JAM3: variants seen among roughly 807,000 people sequenced by gnomAD.
JAM3 encodes the protein junctional adhesion molecule 3.
In JAM3, 31 loss-of-function variants were observed where a neutral mutation model predicts 39.4. The ratio of observed to expected loss-of-function variants is 0.79; its 90% confidence interval spans 0.59 to 1.06. JAM3 has a LOEUF of 1.06. JAM3 is among the 50% of genes least tolerant of loss of function. JAM3 has a pLI of 0.00. For synonymous variants in JAM3, 182 were observed against 148.7 expected, an observed-to-expected ratio of 1.22 and a Z score of -1.63; for missense variants, 455 against 391.4, an observed-to-expected ratio of 1.16 and a Z score of -1.37.
chr11:134,127,167 G>A lies in JAM3; in HGVS notation c.77-12684G>A, dbSNP rs78200504. Among the ~76,000 whole-genome samples, 257 of 152,284 alleles carry A rather than the reference G, an allele frequency of 1.7e-3. 6 individuals carry two copies. In the East Asian group the frequency reaches 0.027, roughly 16 times the overall value. On this transcript the variant is annotated intron_variant, in intron 1 of 8. Coordinates refer to ENST00000299106, the MANE Select transcript of JAM3 (RefSeq NM_032801.5). ...AAAGAGTGTTAGACATGGAGTTTAA[G>A]AATACAGCTTGAAGTGCTGGCTCCA...
chr11:134,089,703 T>C (rs1941808745), intron 1 of JAM3, among the ~76,000 whole-genome samples: 1 of 152,254 alleles, frequency 6.6e-6, no homozygotes, highest in South Asian at 2.1e-4. Context: ...TAATCCAGTC[T>C]ATCATTGGTG....
chr11:134,133,047 G>C (rs1942797687), intron 1 of JAM3, among the ~76,000 whole-genome samples: 1 of 152,150 alleles, frequency 6.6e-6, no homozygotes, highest in Non-Finnish European at 1.5e-5. Flanking sequence ...TGATTTTCAG[G>C]TTGTTCAGCT....
chr11:134,122,563 G>T, intron 1 of JAM3, among the ~76,000 whole-genome samples: 1 of 152,160 alleles, frequency 6.6e-6, no homozygotes, highest in East Asian at 1.9e-4. Context: ...GCCCAACGTT[G>T]CTTTTCTACC....
At chr11:134,106,128 A>T (rs554099519) in intron 1 of JAM3, among the ~76,000 whole-genome samples, 2 of 152,336 alleles carry the variant, frequency 1.3e-5, no homozygotes, top group South Asian at 2.1e-4. Context: ...CCAAAACAGC[A>T]TGGTACTGGT....
chr11:134,104,076 C>T (rs1412972403), intron 1 of JAM3, among the ~76,000 whole-genome samples: 2 of 152,232 alleles, frequency 1.3e-5, no homozygotes, highest in South Asian at 4.1e-4. Context: ...CATCACATCG[C>T]ACTTATTCCA....
At position 134,142,713 on chromosome 11, in the gene JAM3, A is replaced by G. The variant is rs113094362; in HGVS notation, c.257-1528A>G. On this transcript the variant is annotated intron_variant, in intron 3 of 8. Coordinates refer to ENST00000299106, the MANE Select transcript of JAM3 (RefSeq NM_032801.5). ...TCACAGTTGTGCAACCATCACCACT[A>G]TCAAATTCCAGAACATTTTCATCAT... 4.8e-3 allele frequency among the ~76,000 whole-genome samples: 728 copies of G among 152,198 alleles called. 1 individual carries two copies. Among genetic ancestry groups the G allele is most frequent in the Non-Finnish European group, 5.6e-3 (384 of 68,026 alleles).
intron 1 of JAM3, chr11:134,126,204 T>C (rs1942645923): frequency 6.6e-6 from 1 of 152,212 alleles, no homozygotes; most frequent in South Asian, 2.1e-4. Flanking sequence ...GCCTAGAAAT[T>C]ACTTAACCAG....
At chr11:134,134,155 G>A (rs1416009473) in intron 1 of JAM3, among the ~76,000 whole-genome samples, 1 of 152,002 alleles carries the variant, frequency 6.6e-6, no homozygotes, top group African/African-American at 2.4e-5. Context: ...TGAGCTTGAG[G>A]ATATGCCAAC....
At chr11:134,124,013 C>T in intron 1 of JAM3, 1 of 1,484,438 alleles carries the variant, frequency 6.7e-7, no homozygotes, top group Non-Finnish European at 9.4e-7. Context: ...GTGCCCTTCC[C>T]AATCCCGCAA....
At chr11:134,086,296 C>T (rs1048264480) in intron 1 of JAM3, among the ~76,000 whole-genome samples, 2 of 152,140 alleles carry the variant, frequency 1.3e-5, no homozygotes, top group East Asian at 3.8e-4. Flanking sequence ...CAATAACCTT[C>T]TCTTAAAAAA....
At chr11:134,094,872 G>A (rs953360187) in intron 1 of JAM3, among the ~76,000 whole-genome samples, 1 of 152,228 alleles carries the variant, frequency 6.6e-6, no homozygotes, top group African/African-American at 2.4e-5. Context: ...CCCAAATATA[G>A]TACGTGCTAG....
intron 1 of JAM3, among the ~76,000 whole-genome samples, chr11:134,087,010 G>A (rs1941755726): frequency 6.6e-6 from 1 of 151,966 alleles, no homozygotes; most frequent in African/African-American, 2.4e-5. Context: ...TCACTTTGTT[G>A]CCCAGGCTGG....
intron 1 of JAM3, among the ~76,000 whole-genome samples, chr11:134,089,173 ATTCT>A (rs902358064): frequency 2.0e-5 from 3 of 152,142 alleles, no homozygotes; most frequent in Non-Finnish European, 2.9e-5. Flanking sequence ...TGTGTCTCCC[ATTCT>A]TTCTTTATAT....
intron 1 of JAM3, among the ~76,000 whole-genome samples, chr11:134,123,665 T>G (rs1942581782): frequency 6.6e-6 from 1 of 152,214 alleles, no homozygotes; most frequent in African/African-American, 2.4e-5. Flanking sequence ...AGAGATTTCT[T>G]TTTTGTTTGC....
chr11:134,137,405 T>C (rs1942887200), intron 1 of JAM3, among the ~76,000 whole-genome samples: 1 of 152,238 alleles, frequency 6.6e-6, no homozygotes. Flanking sequence ...TCTATTTCTC[T>C]AGACTATAAG....
At chr11:134,126,124 C>G (rs946502646) in intron 1 of JAM3, among the ~76,000 whole-genome samples, 1 of 152,118 alleles carries the variant, frequency 6.6e-6, no homozygotes, top group Non-Finnish European at 1.5e-5. Flanking sequence ...CCACCCTTGT[C>G]TTCCCAGGAA....
chr11:134,122,167 TC>T (rs1942545898), intron 1 of JAM3, among the ~76,000 whole-genome samples: 1 of 152,186 alleles, frequency 6.6e-6, no homozygotes, highest in Non-Finnish European at 1.5e-5. Context: ...AATAGGCAGT[TC>T]ACATAGCCGG....
At chr11:134,070,671 ACT>A (rs753835475) in intron 1 of JAM3, among the ~76,000 whole-genome samples, 1 of 152,110 alleles carries the variant, frequency 6.6e-6, no homozygotes, top group South Asian at 2.1e-4. Context: ...GCCTGGAACA[ACT>A]CTCTATTGTT....
chr11:134,121,089 C>T (rs1942522960), intron 1 of JAM3, among the ~76,000 whole-genome samples: 1 of 152,122 alleles, frequency 6.6e-6, no homozygotes, highest in African/African-American at 2.4e-5. Context: ...TAGCGTCACT[C>T]CAGAGGCTGG....
Sources: allele counts gnomAD v4.1 joint callset (sites outside exome capture counted in the v4.1 genomes callset), GRCh38; gene constraint gnomAD v4.1.1; transcripts MANE v1.5; gene names NCBI Gene and HGNC (gene_info 2026-07-23, HGNC 2026-07-21).